The following TSPAN15 variants were observed in gnomAD, a reference collection of about 807,000 sequenced individuals.
The protein encoded by TSPAN15 is tetraspanin 15.
A neutral mutation model predicts 34.5 loss-of-function variants in TSPAN15; 20 were observed. The observed-to-expected ratio is 0.58, with a 90% confidence interval of 0.41 to 0.84. The LOEUF is 0.84. Among genes scored for constraint, TSPAN15 ranks in the 40% least tolerant of loss-of-function variants. TSPAN15 has a pLI of 0.00. For synonymous variants in TSPAN15, 155 were observed against 153.9 expected (o/e 1.01, Z -0.05); for missense variants, 313 against 386.1 (o/e 0.81, Z 1.59).
intron 3 of TSPAN15, among the ~76,000 whole-genome samples, chr10:69,489,772 G>T (rs1240931196): frequency 1.3e-5 from 2 of 152,258 alleles, no homozygotes; most frequent in Admixed American, 6.5e-5. Context: ...TCATAGAGGG[G>T]CAAGTGGCCA....
the TSPAN15 span, among the ~76,000 whole-genome samples, chr10:69,513,190 C>T: frequency 6.6e-6 from 1 of 152,146 alleles, no homozygotes; most frequent in Non-Finnish European, 1.5e-5. Flanking sequence ...ATGTTGAGTA[C>T]TTTTCGTAGA....
intron 1 of TSPAN15, among the ~76,000 whole-genome samples, chr10:69,465,487 C>T (rs1841364311): frequency 6.6e-6 from 1 of 152,202 alleles, no homozygotes; most frequent in African/African-American, 2.4e-5. Context: ...TCTGCATCCT[C>T]CTAGGTTGTC....
At chr10:69,505,650 C>T (rs1357837530) in intron 6 of TSPAN15, among the ~76,000 whole-genome samples, 1 of 151,998 alleles carries the variant, frequency 6.6e-6, no homozygotes. Context: ...TTAGGCACTC[C>T]TCCCAACTGA....
chr10:69,526,951 A>T, the TSPAN15 span, among the ~76,000 whole-genome samples: 2 of 148,060 alleles, frequency 1.4e-5, no homozygotes, highest in Non-Finnish European at 3.0e-5. Context: ...TTTCCATATG[A>T]CACAGCAATT....
At chr10:69,510,874 A>G (rs1842407802), downstream of TSPAN15, among the ~76,000 whole-genome samples, 1 of 152,216 alleles carries the variant, frequency 6.6e-6, no homozygotes, top group Admixed American at 6.5e-5. Context: ...GTGATGGATT[A>G]CGTTTATTGA....
chr10:69,513,866 C>G, the TSPAN15 span, among the ~76,000 whole-genome samples: 2 of 152,226 alleles, frequency 1.3e-5, no homozygotes, highest in Non-Finnish European at 2.9e-5. Flanking sequence ...GCCTTGGCAC[C>G]TTTGTTGAAA....
intron 2 of TSPAN15, among the ~76,000 whole-genome samples, chr10:69,484,767 A>G (rs536239385): frequency 1.6e-4 from 25 of 152,188 alleles, no homozygotes; most frequent in African/African-American, 5.5e-4. Flanking sequence ...GGAGCTGGAC[A>G]TACTGCCCCA....
chr10:69,532,483 G>T, the TSPAN15 span, among the ~76,000 whole-genome samples: 8 of 152,146 alleles, frequency 5.3e-5, no homozygotes, highest in African/African-American at 1.9e-4. Flanking sequence ...CCGCATGTAG[G>T]AGAATGAAAC....
At chr10:69,526,085 G>C in the TSPAN15 span, among the ~76,000 whole-genome samples, 2 of 146,926 alleles carry the variant, frequency 1.4e-5, no homozygotes, top group South Asian at 4.3e-4. Flanking sequence ...ATAAGATTGA[G>C]AGAGTAGAAA....
At chr10:69,526,143 C>T in the TSPAN15 span, among the ~76,000 whole-genome samples, 1 of 147,144 alleles carries the variant, frequency 6.8e-6, no homozygotes, top group Non-Finnish European at 1.5e-5. Context: ...GATATAACCA[C>T]AGATATTGAA....
chr10:69,498,799 G>T (rs1321472378), intron 5 of TSPAN15, among the ~76,000 whole-genome samples: 1 of 152,220 alleles, frequency 6.6e-6, no homozygotes, highest in African/African-American at 2.4e-5. Context: ...GGGCTGGGAT[G>T]AAGTGCAGGC....
intron 5 of TSPAN15, among the ~76,000 whole-genome samples, chr10:69,503,696 G>C (rs72811748): frequency 1.2e-4 from 18 of 151,998 alleles, no homozygotes; most frequent in Admixed American, 2.0e-4. Flanking sequence ...CAGCGGGGCT[G>C]GGGGGGACGG....
rs188790090 is a variant in TSPAN15 at position 69,494,606 on chromosome 10, C to T, written c.358-988C>T. The T allele has an allele frequency of 4.9e-5, 48 of 978,204 alleles. No individual in the cohort carries two copies. The Admixed American group carries it at 4.9e-4, about 10-fold the overall frequency. The allele number at this position is 978,204 out of a possible 1,614,324, so 60.6% of individuals were successfully genotyped here. ...CGAAGTTACCTTAAAGATAGGCCTACGGGTTTGGTTCACAGTTGGGAAGCT... is the reference window on the plus strand; with the variant it reads ...CGAAGTTACCTTAAAGATAGGCCTATGGGTTTGGTTCACAGTTGGGAAGCT... On this transcript the variant is annotated intron_variant, in intron 3 of 7. Transcript: ENST00000373290.
intron 5 of TSPAN15, among the ~76,000 whole-genome samples, chr10:69,503,915 C>T (rs1486655079): frequency 6.6e-6 from 1 of 152,160 alleles, no homozygotes; most frequent in Non-Finnish European, 1.5e-5. Context: ...CACCTCTCTT[C>T]CCAAGAAGGA....
the TSPAN15 span, among the ~76,000 whole-genome samples, chr10:69,520,855 G>C: frequency 1.3e-5 from 2 of 152,164 alleles, no homozygotes; most frequent in African/African-American, 2.4e-5. Flanking sequence ...GGAGTTGCTG[G>C]TCATATGGTA....
the TSPAN15 span, among the ~76,000 whole-genome samples, chr10:69,529,994 T>C: frequency 2.0e-5 from 3 of 147,992 alleles, 1 homozygote; most frequent in East Asian, 5.0e-4. Context: ...TCAAGCTCCA[T>C]CCAGGTTGCT....
At chr10:69,515,928 C>G in the TSPAN15 span, among the ~76,000 whole-genome samples, 1 of 152,232 alleles carries the variant, frequency 6.6e-6, no homozygotes, top group African/African-American at 2.4e-5. Context: ...TTTCCGCCCC[C>G]TACCCCAAAA....
downstream of TSPAN15, among the ~76,000 whole-genome samples, chr10:69,510,771 A>G (rs1842406326): frequency 6.6e-6 from 1 of 152,178 alleles, no homozygotes; most frequent in South Asian, 2.1e-4. Context: ...GTTTATTGAG[A>G]GTTTTTAGCA....
chr10:69,474,471 C>T (rs72811738), intron 1 of TSPAN15, among the ~76,000 whole-genome samples: 4 of 152,282 alleles, frequency 2.6e-5, no homozygotes, highest in Non-Finnish European at 5.9e-5. Context: ...CCTGTCATCT[C>T]TGTGAGCCCA....
Sources: gnomAD v4.1 joint callset for allele counts (sites outside exome capture counted in the v4.1 genomes callset) on GRCh38, gnomAD v4.1.1 for gene constraint, MANE v1.5 for transcripts, NCBI Gene and HGNC (gene_info 2026-07-23, HGNC 2026-07-21) for gene names.